Variants in TTC3 observed in about 807,000 individuals in gnomAD.
TTC3 encodes the protein tetratricopeptide repeat domain 3.
In TTC3, 180 loss-of-function variants were observed where a neutral mutation model predicts 249.6. The ratio of observed to expected loss-of-function variants is 0.72; its 90% CI spans 0.64 to 0.82. The LOEUF is 0.82. TTC3 is among the 40% of genes least tolerant of loss of function. TTC3 has a pLI of 0.00. For synonymous variants in TTC3, 717 were observed against 805.0 expected, an observed-to-expected ratio of 0.89 and a Z score of 1.85; for missense variants, 2,061 against 2,398.4, an observed-to-expected ratio of 0.86 and a Z score of 2.94.
intron 11 of TTC3, among the ~76,000 whole-genome samples, chr21:37,113,725 C>G (rs183186676): frequency 1.3e-5 from 2 of 152,312 alleles, no homozygotes; most frequent in Admixed American, 1.3e-4. Flanking sequence ...GCCCACATTA[C>G]CAAGTCAATC....
chr21:37,201,421 TTTG>T lies in TTC3; in HGVS notation c.5944-16_5944-14del, dbSNP rs1449450879. ...CATGGTCCTGAAGGCATCTTCTGAT[TTTG>T]TTTTCTCCTTTTCAGTGCTTTAAGC... On this transcript the variant is annotated splice_polypyrimidine_tract_variant and intron_variant, in intron 45 of 45. Transcript: ENST00000355666. 9 of 1,613,218 alleles carry T rather than the reference TTTG, an allele frequency of 5.6e-6. No homozygotes were observed. In the Admixed American group the frequency reaches 1.2e-4, roughly 21 times the overall value.
chr21:37,154,926 A>C (rs1216701823), intron 27 of TTC3, among the ~76,000 whole-genome samples: 2 of 151,930 alleles, frequency 1.3e-5, no homozygotes, highest in Non-Finnish European at 2.9e-5. Flanking sequence ...TGATCTCCTG[A>C]CCTCGTGATC....
chr21:37,138,786 T>A, intron 19 of TTC3, 72 bp downstream of exon 19: 1 of 1,094,004 alleles, frequency 9.1e-7, no homozygotes, highest in Non-Finnish European at 1.3e-6. Context: ...ATTTTCTCAT[T>A]TTTACCCATT....
At chr21:37,107,309 C>T (rs1214008429) in intron 10 of TTC3, among the ~76,000 whole-genome samples, 4 of 152,078 alleles carry the variant, frequency 2.6e-5, no homozygotes, top group African/African-American at 9.7e-5. Flanking sequence ...ATGGGATAAG[C>T]AAGGTTATAG....
intron 31 of TTC3, 73 bp from the exon 32 acceptor site, chr21:37,163,978 A>G (rs2081013484): frequency 1.3e-6 from 2 of 1,491,742 alleles, no homozygotes; most frequent in South Asian, 1.3e-5. Context: ...TCAATTAGAC[A>G]TTCTTCTGGT....
chr21:37,082,557 A>T, intron 1 of TTC3: 1 of 985,376 alleles, frequency 1.0e-6, no homozygotes, highest in Non-Finnish European at 1.2e-6. Context: ...CCCAGGGCTC[A>T]GTGTCCTGAT....
intron 8 of TTC3, among the ~76,000 whole-genome samples, chr21:37,094,296 G>C (rs779149826): frequency 6.0e-4 from 91 of 152,240 alleles, no homozygotes; most frequent in Admixed American, 1.6e-3. Context: ...AAAAACTTTA[G>C]TCTTTAATGA....
At chr21:37,168,991 A>C (rs945977500) in intron 34 of TTC3, among the ~76,000 whole-genome samples, 8 of 152,172 alleles carry the variant, frequency 5.3e-5, no homozygotes, top group Admixed American at 3.9e-4. Flanking sequence ...ACCTCCACCT[A>C]GCCCTGCTTG....
At chr21:37,140,518 T>G (rs759176442) in intron 19 of TTC3, 43 bp from the exon 20 acceptor site, 7 of 1,282,578 alleles carry the variant, frequency 5.5e-6, no homozygotes, top group Non-Finnish European at 7.3e-6. Context: ...TTTCAGTATT[T>G]CTCTTTGTAT....
chr21:37,082,098 C>T (rs2071769168), intron 1 of TTC3: 1 of 152,194 alleles, frequency 6.6e-6, no homozygotes, highest in African/African-American at 2.4e-5. Context: ...ATCTCCTGAC[C>T]TCGTCATCTG....
At position 37,097,853 on chromosome 21, in the gene TTC3, T is replaced by C. The variant is rs1203486341; in HGVS notation, c.845+1210T>C. ...GGGAGGGTGGGAGTGGGGAAGGTAG[T>C]AAACTCTAAGCATGTAGCTTTAAAA... On this transcript the variant is annotated intron_variant, in intron 10 of 45. Transcript: ENST00000355666. The C allele has an allele frequency of 6.3e-6, 4 of 631,684 alleles. No homozygotes were observed. In the East Asian group the frequency reaches 1.2e-4, roughly 19 times the overall value. 39.1% of individuals were successfully genotyped at this position (631,684 alleles called of 1,614,324 possible).
At chr21:37,110,433 C>T (rs1360991679) in intron 11 of TTC3, among the ~76,000 whole-genome samples, 4 of 151,174 alleles carry the variant, frequency 2.6e-5, no homozygotes, top group Admixed American at 1.3e-4. Context: ...GTAACCGATG[C>T]GATCAACTGG....
rs137858794 is a variant in TTC3, at chr21:37,165,885, C to T, written c.3671C>T (p.Ser1224Leu). The T allele has an allele frequency of 4.0e-5, 64 of 1,614,242 alleles. No homozygotes were observed. In the African/African-American group the frequency reaches 6.7e-4, roughly 17 times the overall value. Residue 1224 changes from serine to leucine, a missense_variant, in exon 33 of 46, where the codon TCA becomes TTA. Physicochemically the swap from Ser to Leu is moderately radical, Grantham distance 145. This residue lies in a region of TTC3 where 1,040 missense variants were observed against 1,186.1 expected (regional missense o/e 0.88). Coordinates refer to ENST00000355666, the Ensembl canonical transcript of TTC3. ...CCAGATGTAAAGTCTAAACCAGTGT[C>T]AGATTCATCTTCAGCACCAGCTTTT...
At chr21:37,144,768 C>A in intron 21 of TTC3, 123 bp downstream of exon 21, 1 of 1,175,620 alleles carries the variant, frequency 8.5e-7, no homozygotes. Context: ...CGCATTTCCC[C>A]TCTACTGTCT....
exon 14 of TTC3, chr21:37,124,673 T>C (rs2076916570): frequency 3.7e-6 from 6 of 1,613,540 alleles, no homozygotes; most frequent in Non-Finnish European, 4.2e-6. Flanking sequence ...CACTTAACTT[T>C]GTGGAGAAGG....
Position 37,196,949 on chromosome 21 carries a change from C to T in TTC3, c.5580-621C>T, listed in dbSNP as rs558059956. On this transcript the variant is annotated intron_variant, in intron 42 of 45. Coordinates refer to ENST00000355666, the Ensembl canonical transcript of TTC3. ...TCTTCAGTAGCGTTTCTGCCTCCAC[C>T]TCTGGTTTCCGCTGTTCAGGTTGTT... Among the ~76,000 whole-genome samples the T allele has an allele frequency of 1.5e-3, 224 of 152,298 alleles. 2 individuals carry two copies. Among genetic ancestry groups the T allele is most frequent in the African/African-American group, 4.9e-3 (205 of 41,552 alleles).
chr21:37,158,918 C>A (rs988418030), intron 28 of TTC3, among the ~76,000 whole-genome samples: 1 of 145,002 alleles, frequency 6.9e-6, no homozygotes. Flanking sequence ...ACTATAGTAG[C>A]CTCCAAACTG....
At chr21:37,102,342 A>G (rs1382355098) in intron 10 of TTC3, among the ~76,000 whole-genome samples, 1 of 152,194 alleles carries the variant, frequency 6.6e-6, no homozygotes, top group Non-Finnish European at 1.5e-5. Flanking sequence ...GAAAAAAGGA[A>G]TATCCCTTAT....
chr21:37,087,410 G>T lies in TTC3; in HGVS notation c.144+9G>T. 1 of 1,612,746 alleles carries T rather than the reference G, an allele frequency of 6.2e-7. No individual in the cohort carries two copies. The highest frequency in any genetic ancestry group is 1.1e-5 in the South Asian group (1 of 90,828). On this transcript the variant is annotated intron_variant, in intron 2 of 45. Coordinates refer to ENST00000355666, the Ensembl canonical transcript of TTC3. ...TTTACTGTGATGGGGTGGTAAGTAG[G>T]TTTGCTAATTTTTCATTTTTGACAT...
Sources: allele counts gnomAD v4.1 joint callset (sites outside exome capture counted in the v4.1 genomes callset), GRCh38; gene constraint gnomAD v4.1.1; regional missense constraint gnomAD v4.1.1; transcripts MANE v1.5; gene names NCBI Gene and HGNC (gene_info 2026-07-23, HGNC 2026-07-21).